Variants in HIVEP3 observed in about 807,000 individuals in gnomAD.
HIVEP3 encodes the protein transcription factor HIVEP3.
HIVEP3 carries 49 observed loss-of-function variants against 152.8 expected under a neutral mutation model. The observed-to-expected ratio is 0.32, with a 90% CI of 0.26 to 0.41. The LOEUF is 0.41. Ranked by LOEUF, HIVEP3 falls within the 10% of genes least tolerant of loss-of-function variation. The pLI is 1.00. For synonymous variants in HIVEP3, 1,269 were observed against 1,289.0 expected (o/e 0.98, Z 0.33); for missense variants, 2,790 against 3,103.3 (o/e 0.90, Z 2.40).
intron 1 of HIVEP3, among the ~76,000 whole-genome samples, chr1:41,861,272 C>G (rs1643884823): frequency 6.6e-6 from 1 of 152,196 alleles, no homozygotes; most frequent in African/African-American, 2.4e-5. Flanking sequence ...TTCATGGAGG[C>G]CTGTGAGCAC....
intron 3 of HIVEP3, among the ~76,000 whole-genome samples, chr1:41,621,191 G>T (rs1645042236): frequency 6.6e-6 from 1 of 152,222 alleles, no homozygotes; most frequent in Non-Finnish European, 1.5e-5. Flanking sequence ...TAGCCATGGT[G>T]CAGCCTCTTC....
intron 1 of HIVEP3, among the ~76,000 whole-genome samples, chr1:41,896,526 C>G (rs573812701): frequency 6.6e-6 from 1 of 152,214 alleles, no homozygotes; most frequent in Non-Finnish European, 1.5e-5. Flanking sequence ...CAGCTCCTTT[C>G]CAAGTTCCTT....
intron 1 of HIVEP3, among the ~76,000 whole-genome samples, chr1:41,980,093 ACT>A (rs1251455814): frequency 1.3e-5 from 2 of 152,132 alleles, no homozygotes; most frequent in Admixed American, 6.5e-5. Flanking sequence ...AAACAGGAAG[ACT>A]CTGACATTGT....
intron 1 of HIVEP3, among the ~76,000 whole-genome samples, chr1:42,014,596 G>GA (rs1295444128): frequency 6.6e-6 from 1 of 152,162 alleles, no homozygotes; most frequent in East Asian, 1.9e-4. Context: ...TAGGTCCAGT[G>GA]ATGCCGATCT....
intron 3 of HIVEP3, among the ~76,000 whole-genome samples, chr1:41,604,948 A>G (rs1456405744): frequency 2.0e-5 from 3 of 151,788 alleles, no homozygotes; most frequent in African/African-American, 7.3e-5. Context: ...TACAAAAAAT[A>G]AATAAAATTA....
At chr1:41,653,433 C>T (rs1218115465) in intron 2 of HIVEP3, among the ~76,000 whole-genome samples, 1 of 152,072 alleles carries the variant, frequency 6.6e-6, no homozygotes, top group East Asian at 1.9e-4. Flanking sequence ...TTAAAGTTTC[C>T]CAAATGTACT....
At chr1:41,984,296 T>C (rs1477686361) in intron 1 of HIVEP3, among the ~76,000 whole-genome samples, 1 of 152,016 alleles carries the variant, frequency 6.6e-6, no homozygotes, top group East Asian at 1.9e-4. Context: ...TTTGGCCAAA[T>C]AATAAACCTG....
intron 1 of HIVEP3, among the ~76,000 whole-genome samples, chr1:41,910,135 C>A (rs1223914306): frequency 6.6e-6 from 1 of 151,786 alleles, no homozygotes; most frequent in Non-Finnish European, 1.5e-5. Context: ...GAGAGGATCA[C>A]AAAGTCAAGG....
intron 1 of HIVEP3, among the ~76,000 whole-genome samples, chr1:41,831,959 G>A (rs1385523739): frequency 6.6e-6 from 1 of 152,202 alleles, no homozygotes; most frequent in Non-Finnish European, 1.5e-5. Flanking sequence ...AGTAAGTGAT[G>A]GAGCCAGGGT....
intron 1 of HIVEP3, among the ~76,000 whole-genome samples, chr1:41,984,832 G>T (rs923177729): frequency 6.6e-6 from 1 of 152,174 alleles, no homozygotes; most frequent in African/African-American, 2.4e-5. Context: ...ACCCAGCTGG[G>T]CCCACAGAAC....
chr1:41,969,889 G>A (rs1645219869), intron 1 of HIVEP3, among the ~76,000 whole-genome samples: 1 of 152,080 alleles, frequency 6.6e-6, no homozygotes, highest in Non-Finnish European at 1.5e-5. Flanking sequence ...TAAAAAGTGG[G>A]CAAAGGACAT....
chr1:41,939,105 A>G (rs533062733), intron 1 of HIVEP3, among the ~76,000 whole-genome samples: 2 of 152,224 alleles, frequency 1.3e-5, no homozygotes, highest in South Asian at 4.1e-4. Flanking sequence ...GCCTCTAATT[A>G]TTTCTCTGGA....
chr1:41,922,791 A>G (rs947747490), upstream of HIVEP3, among the ~76,000 whole-genome samples: 1 of 151,966 alleles, frequency 6.6e-6, no homozygotes, highest in Admixed American at 6.6e-5. Flanking sequence ...ATCACTAAAA[A>G]AGGAAGAAGG....
rs75058397 is a variant in HIVEP3, at chr1:41,796,017, T to C, written c.-800-95022A>G. Among the ~76,000 whole-genome samples the C allele has an allele frequency of 7.7e-3, 1,176 of 152,278 alleles. 9 individuals are homozygous for C. Among genetic ancestry groups the C allele is most frequent in the African/African-American group, 0.027 (1,119 of 41,562 alleles). On this transcript the variant is annotated intron_variant, in intron 1 of 8. Transcript: ENST00000372583. ...GTGAGTGTGCCCATTTCTACTAGGGTATTATTGGTTCTAGGCTCTTTCAGC... is the reference window on the plus strand; with the variant it reads ...GTGAGTGTGCCCATTTCTACTAGGGCATTATTGGTTCTAGGCTCTTTCAGC...
chr1:41,578,115 T>C (rs757174499), intron 4 of HIVEP3, among the ~76,000 whole-genome samples: 24 of 152,266 alleles, frequency 1.6e-4, no homozygotes, highest in Non-Finnish European at 2.2e-4. Flanking sequence ...TGATCTAGGC[T>C]CTGCCATTTA....
In HIVEP3 at chr1:41,787,699, T is replaced by A. The variant is rs1251366437; in HGVS notation, c.-800-86704A>T. 6.5e-3 allele frequency among the ~76,000 whole-genome samples: 879 copies of A among 134,988 alleles called. 7 individuals are homozygous for A. Among genetic ancestry groups the A allele is most frequent in the African/African-American group, 0.025 (804 of 31,572 alleles). 88.6% of individuals were successfully genotyped at this position (134,988 alleles called of 152,430 possible). A position where few individuals can be genotyped will look rare whatever the true frequency, so the allele number is the denominator to read the frequency against. ...CCATGCCCAGCTAATTAAAAAAATT[T>A]TTTTTTTTTTTTGTAGAGAAAAAAT... On this transcript the variant is annotated intron_variant, in intron 1 of 8. Coordinates refer to ENST00000372583, the MANE Select transcript of HIVEP3 (RefSeq NM_024503.5).
intron 1 of HIVEP3, among the ~76,000 whole-genome samples, chr1:41,786,066 G>T (rs905917305): frequency 1.3e-5 from 2 of 152,188 alleles, no homozygotes; most frequent in South Asian, 2.1e-4. Flanking sequence ...GGGAAAAAAA[G>T]ACAGCATGCG....
At chr1:41,816,655 G>A (rs1651285525) in intron 1 of HIVEP3, among the ~76,000 whole-genome samples, 1 of 152,126 alleles carries the variant, frequency 6.6e-6, no homozygotes. Context: ...CTCCAGCCTG[G>A]GCAACAGAAG....
At chr1:41,740,887 G>A (rs970620710) in intron 1 of HIVEP3, among the ~76,000 whole-genome samples, 3 of 152,190 alleles carry the variant, frequency 2.0e-5, no homozygotes, top group Non-Finnish European at 4.4e-5. Context: ...AGGCCTATAC[G>A]AGGCAGGGAG....
Sources: allele counts gnomAD v4.1 joint callset (sites outside exome capture counted in the v4.1 genomes callset), GRCh38; gene constraint gnomAD v4.1.1; transcripts MANE v1.5; gene names NCBI Gene and HGNC (gene_info 2026-07-23, HGNC 2026-07-21).